CACNB2: variants seen among roughly 807,000 people sequenced by gnomAD.
CACNB2 encodes calcium voltage-gated channel auxiliary subunit beta 2, also known as voltage-dependent L-type calcium channel subunit beta-2.
Under a neutral mutation model 73.3 loss-of-function variants are expected in CACNB2, and 42 were observed. That is an observed-to-expected ratio of 0.57 (90% CI 0.45 to 0.74). The LOEUF (loss-of-function observed/expected upper bound fraction) is 0.74, where lower values mean the gene tolerates loss of function less well. Among genes scored for constraint, CACNB2 ranks in the 30% least tolerant of loss-of-function variants. The pLI is 0.00. For synonymous variants in CACNB2, 348 were observed against 310.3 expected, an observed-to-expected ratio of 1.12 and a Z score of -1.28; for missense variants, 940 against 853.0, an observed-to-expected ratio of 1.10 and a Z score of -1.27.
chr10:18,227,922 A>G (rs544200606), intron 2 of CACNB2, among the ~76,000 whole-genome samples: 2 of 152,282 alleles, frequency 1.3e-5, no homozygotes, highest in South Asian at 4.1e-4. Context: ...CTCCACTCCA[A>G]CATCATAAAT....
At chr10:18,507,019 G>A (rs749685842) in intron 6 of CACNB2, among the ~76,000 whole-genome samples, 2 of 152,082 alleles carry the variant, frequency 1.3e-5, no homozygotes, top group African/African-American at 2.4e-5. Flanking sequence ...GGCTGGTCTC[G>A]AACTCCTGAG....
chr10:18,174,349 T>TTTCC (rs1400320286), intron 2 of CACNB2, among the ~76,000 whole-genome samples: 1 of 140,226 alleles, frequency 7.1e-6, no homozygotes, highest in Non-Finnish European at 1.5e-5. Flanking sequence ...TCTTTCTTTT[T>TTTCC]TTCCTTCCTT....
At chr10:18,314,607 G>C (rs2040087179) in intron 2 of CACNB2, among the ~76,000 whole-genome samples, 1 of 151,368 alleles carries the variant, frequency 6.6e-6, no homozygotes, top group Admixed American at 6.6e-5. Flanking sequence ...CCACCATAAA[G>C]TAACTAAAAC....
At chr10:18,379,924 C>G (rs1039797610) in intron 2 of CACNB2, among the ~76,000 whole-genome samples, 1 of 152,132 alleles carries the variant, frequency 6.6e-6, no homozygotes, top group Non-Finnish European at 1.5e-5. Context: ...TGGGCTCAAG[C>G]AATCCTCCTG....
intron 9 of CACNB2, among the ~76,000 whole-genome samples, chr10:18,521,504 C>T (rs2051877888): frequency 6.6e-6 from 1 of 152,164 alleles, no homozygotes; most frequent in African/African-American, 2.4e-5. Flanking sequence ...TGGACTTAAT[C>T]CTTTCTTTCT....
chr10:18,228,721 A>G (rs908128089), intron 2 of CACNB2, among the ~76,000 whole-genome samples: 67 of 135,714 alleles, frequency 4.9e-4, no homozygotes, highest in African/African-American at 1.7e-3. Context: ...GCTCGTTTTT[A>G]CCCTCTTCCC....
At chr10:18,305,868 C>T (rs965395080) in intron 2 of CACNB2, among the ~76,000 whole-genome samples, 2 of 151,832 alleles carry the variant, frequency 1.3e-5, no homozygotes, top group South Asian at 2.1e-4. Flanking sequence ...GTTGGGAGGC[C>T]GAGGTGGGAG....
chr10:18,267,396 G>A (rs1488804714), intron 2 of CACNB2, among the ~76,000 whole-genome samples: 6 of 151,888 alleles, frequency 4.0e-5, no homozygotes, highest in Admixed American at 2.0e-4. Flanking sequence ...ACTTGAGGTC[G>A]GGATTTCAAG....
rs1377198165 is a variant in CACNB2 at position 18,402,175 on chromosome 10, A to G, written c.333+132A>G. 3.0e-6 allele frequency: 3 copies of G among 1,000,624 alleles called. No homozygotes were observed. In the African/African-American group the frequency reaches 4.7e-5, roughly 16 times the overall value. 62.0% of individuals were successfully genotyped at this position (1,000,624 alleles called of 1,614,324 possible). ...CATTGTCTGGTTTTAGAAAGGTACA[A>G]AAAATGGAGCCTAGTTTCTTCCCTT... On this transcript the variant is annotated intron_variant, in intron 3 of 13. Transcript: ENST00000324631.
intron 3 of CACNB2, among the ~76,000 whole-genome samples, chr10:18,474,724 C>A (rs532321406): frequency 6.6e-6 from 1 of 152,242 alleles, no homozygotes; most frequent in Non-Finnish European, 1.5e-5. Flanking sequence ...TGTTTCCTCT[C>A]TACTCTCCCA....
At chr10:18,506,143 G>A (rs1291521906) in intron 5 of CACNB2, among the ~76,000 whole-genome samples, 1 of 152,138 alleles carries the variant, frequency 6.6e-6, no homozygotes, top group African/African-American at 2.4e-5. Context: ...GCCTCTGAGG[G>A]TCTCTAAAAT....
intron 10 of CACNB2, among the ~76,000 whole-genome samples, chr10:18,527,929 T>C (rs879520076): frequency 6.6e-6 from 1 of 152,232 alleles, no homozygotes; most frequent in Admixed American, 6.5e-5. Context: ...TGGTTGTGGT[T>C]TGTTTTCACT....
chr10:18,396,846 T>C lies in CACNB2; in HGVS notation c.214-5078T>C, dbSNP rs144047389. 6.5e-4 allele frequency among the ~76,000 whole-genome samples: 99 copies of C among 152,316 alleles called. 1 individual carries two copies. The Middle Eastern group carries it at 0.014, about 21-fold the overall frequency. On this transcript the variant is annotated intron_variant, in intron 2 of 13. Coordinates refer to ENST00000324631, the MANE Select transcript of CACNB2 (RefSeq NM_201596.3). ...TTGCCATTGGGTCAGCATCGTCCTA[T>C]GCATGAGGAGGTGGTCTAAAATCTT...
At chr10:18,261,179 G>A in intron 2 of CACNB2, 1 of 1,548,392 alleles carries the variant, frequency 6.5e-7, no homozygotes, top group Non-Finnish European at 8.7e-7. Context: ...GGAGTAGAAG[G>A]TGGGAAGAAA....
At chr10:18,310,605 C>CAAAAAAAAAAAAAAAAAAAAAAATA (rs1157466238) in intron 2 of CACNB2, among the ~76,000 whole-genome samples, 1 of 36,860 alleles carries the variant, frequency 2.7e-5, no homozygotes, top group Admixed American at 3.7e-4. Flanking sequence ...AACTCCATCT[C>CAAAAAAAAAAAAAAAAAAAAAAATA]AAAAAAAAAA....
chr10:18,350,264 T>C, intron 2 of CACNB2, among the ~76,000 whole-genome samples: 1 of 152,028 alleles, frequency 6.6e-6, no homozygotes, highest in East Asian at 1.9e-4. Context: ...TTTTTTAAAA[T>C]AATAAAAATA....
intron 3 of CACNB2, among the ~76,000 whole-genome samples, chr10:18,450,574 G>C (rs1368919148): frequency 6.6e-6 from 1 of 151,910 alleles, no homozygotes; most frequent in Non-Finnish European, 1.5e-5. Flanking sequence ...GTACGGGAGA[G>C]GGAGCAAAAT....
At chr10:18,407,382 A>G (rs958363754) in intron 3 of CACNB2, among the ~76,000 whole-genome samples, 3 of 151,988 alleles carry the variant, frequency 2.0e-5, no homozygotes, top group African/African-American at 4.8e-5. Flanking sequence ...TCGGTCTCCC[A>G]GAGTGCTAGG....
intron 2 of CACNB2, among the ~76,000 whole-genome samples, chr10:18,371,861 C>G (rs966238396): frequency 2.6e-5 from 4 of 152,174 alleles, no homozygotes; most frequent in African/African-American, 9.7e-5. Flanking sequence ...CTCTCCAGCA[C>G]TTGTTGTTTC....
Sources: gnomAD v4.1 joint callset for allele counts (sites outside exome capture counted in the v4.1 genomes callset) on GRCh38, gnomAD v4.1.1 for gene constraint, MANE v1.5 for transcripts, NCBI Gene and HGNC (gene_info 2026-07-23, HGNC 2026-07-21) for gene names.